Variants in TESK2 observed in about 807,000 individuals in gnomAD.
TESK2 encodes the protein testis associated actin remodelling kinase 2.
A neutral mutation model predicts 57.1 loss-of-function variants in TESK2; 39 were observed. That is an observed-to-expected ratio of 0.68 (90% CI 0.53 to 0.89). The LOEUF (loss-of-function observed/expected upper bound fraction) is 0.89, where lower values mean the gene tolerates loss of function less well. TESK2 is among the 40% of genes least tolerant of loss of function. TESK2 has a pLI of 0.00. For synonymous variants in TESK2, 249 were observed against 267.9 expected (o/e 0.93, Z 0.69); for missense variants, 646 against 732.1 (o/e 0.88, Z 1.36).
chr1:45,413,823 T>C (rs1334645730), intron 3 of TESK2: 3 of 456,234 alleles, frequency 6.6e-6, no homozygotes, highest in South Asian at 4.6e-5. Context: ...CTTCCCAATG[T>C]AGATCTAATC....
At chr1:45,353,925 A>T (rs1282765067) in intron 5 of TESK2, among the ~76,000 whole-genome samples, 1 of 152,184 alleles carries the variant, frequency 6.6e-6, no homozygotes, top group Non-Finnish European at 1.5e-5. Context: ...GATGCCAAAG[A>T]GGAACTGGCA....
At chr1:45,410,343 C>T (rs542129048) in intron 3 of TESK2, among the ~76,000 whole-genome samples, 2 of 152,206 alleles carry the variant, frequency 1.3e-5, no homozygotes, top group African/African-American at 4.8e-5. Flanking sequence ...GTGGCTCACG[C>T]CTGTAATCCC....
intron 2 of TESK2, among the ~76,000 whole-genome samples, chr1:45,424,002 A>G (rs1237853161): frequency 1.3e-5 from 2 of 152,248 alleles, no homozygotes; most frequent in African/African-American, 4.8e-5. Flanking sequence ...ATGAGGCAGT[A>G]GAAAAATCAT....
At chr1:45,457,418 T>C in intron 2 of TESK2, 146 bp downstream of exon 2, 1 of 680,436 alleles carries the variant, frequency 1.5e-6, no homozygotes, top group South Asian at 2.0e-5. Context: ...AGTTAATAAA[T>C]AGCTTGAAAG....
rs1452247534 is a variant in TESK2 at position 45,397,642 on chromosome 1, C to T, written c.345-11682G>A. ...TTCCAACCCGGACCCAGAGCCAGCA[C>T]CGCCTGCAGGCTCTGAGGCCACAGG... On this transcript the variant is annotated intron_variant, in intron 3 of 10. Coordinates refer to ENST00000372086, the MANE Select transcript of TESK2 (RefSeq NM_007170.3). 1.3e-5 allele frequency among the ~76,000 whole-genome samples: 2 copies of T among 152,160 alleles called. 1 individual carries two copies. The highest frequency in any genetic ancestry group is 2.9e-5 in the Non-Finnish European group (2 of 68,026).
intron 2 of TESK2, among the ~76,000 whole-genome samples, chr1:45,437,072 G>A (rs1471147927): frequency 6.6e-6 from 1 of 152,212 alleles, no homozygotes; most frequent in Non-Finnish European, 1.5e-5. Flanking sequence ...TGGGATTACA[G>A]GAGTGAGCCG....
At chr1:45,419,189 G>A (rs1482207289) in intron 3 of TESK2, among the ~76,000 whole-genome samples, 3 of 152,112 alleles carry the variant, frequency 2.0e-5, no homozygotes, top group East Asian at 3.9e-4. Context: ...TGTTGGCCAG[G>A]ATGGTCTCGA....
intron 3 of TESK2, among the ~76,000 whole-genome samples, chr1:45,394,739 T>A (rs1649290451): frequency 7.8e-6 from 1 of 128,966 alleles, no homozygotes; most frequent in African/African-American, 2.9e-5. Flanking sequence ...TTGCCCAGGC[T>A]GCAGTACAAT....
intron 2 of TESK2, among the ~76,000 whole-genome samples, chr1:45,432,116 G>A (rs1223185548): frequency 6.6e-6 from 1 of 151,930 alleles, no homozygotes; most frequent in Admixed American, 6.6e-5. Flanking sequence ...AGGCATGGTG[G>A]TGCATGTCTG....
At chr1:45,359,279 G>T (rs1647573328) in intron 4 of TESK2, among the ~76,000 whole-genome samples, 1 of 152,224 alleles carries the variant, frequency 6.6e-6, no homozygotes, top group Admixed American at 6.5e-5. Flanking sequence ...GTGAAAGTTG[G>T]CCAGGCGCCG....
rs1034770757 is a variant in TESK2, at chr1:45,490,943, T to C, written c.-178A>G. On this transcript the variant is annotated 5_prime_UTR_variant, in exon 1 of 11. Transcript: ENST00000372086. ...GGAGCATAGTAACCCTCACAGCTCG[T>C]TGGTGGCAGCGGCTCCTTAGCCTGC... 2 of 152,272 alleles carry C rather than the reference T, an allele frequency of 1.3e-5. No homozygotes were observed. Among genetic ancestry groups the C allele is most frequent in the Non-Finnish European group, 2.9e-5 (2 of 68,162 alleles). The allele number at this position is 152,272 out of a possible 1,614,324, so 9.4% of individuals were successfully genotyped here. A position where few individuals can be genotyped will look rare whatever the true frequency, so the allele number is the denominator to read the frequency against.
intron 1 of TESK2, among the ~76,000 whole-genome samples, chr1:45,483,606 A>AG (rs1653328213): frequency 6.6e-6 from 1 of 151,994 alleles, no homozygotes; most frequent in African/African-American, 2.4e-5. Flanking sequence ...AAAAAGAAAA[A>AG]AAAAAAAAGG....
chr1:45,422,862 C>CG (rs1443536592), intron 2 of TESK2, among the ~76,000 whole-genome samples: 1 of 149,744 alleles, frequency 6.7e-6, no homozygotes, highest in East Asian at 2.0e-4. Flanking sequence ...CTCCACCTTC[C>CG]GGGTTCAAGC....
intron 4 of TESK2, among the ~76,000 whole-genome samples, chr1:45,359,021 C>T (rs944172793): frequency 6.6e-6 from 1 of 152,242 alleles, no homozygotes; most frequent in Non-Finnish European, 1.5e-5. Context: ...GGAAATTCCT[C>T]TAAGCCTAAA....
chr1:45,484,123 T>G (rs1266536296), intron 1 of TESK2, among the ~76,000 whole-genome samples: 1 of 147,140 alleles, frequency 6.8e-6, no homozygotes, highest in Admixed American at 6.8e-5. Context: ...TTTTTTTTTT[T>G]TTGAGATGGA....
At position 45,346,802 on chromosome 1, in the gene TESK2, T is replaced by C. The variant is rs753520432; in HGVS notation, c.793-23A>G. 1.6e-5 allele frequency: 26 copies of C among 1,608,020 alleles called. No individual in the cohort carries two copies. The South Asian group carries it at 2.3e-4, about 14-fold the overall frequency. Reference sequence around the variant, plus strand: ...ATTCTGTGGATGGGTATGGAAAGCATAGGTAGACAGTTCATTAATCCCCCC... The same window carrying C: ...ATTCTGTGGATGGGTATGGAAAGCACAGGTAGACAGTTCATTAATCCCCCC... On this transcript the variant is annotated intron_variant, in intron 8 of 10. Coordinates refer to ENST00000372086, the MANE Select transcript of TESK2 (RefSeq NM_007170.3).
intron 4 of TESK2, among the ~76,000 whole-genome samples, chr1:45,373,415 A>C: frequency 6.6e-6 from 1 of 152,354 alleles, no homozygotes; most frequent in South Asian, 2.1e-4. Flanking sequence ...TCACTATATT[A>C]ATACTTTTGC....
chr1:45,440,327 T>C (rs1221672839), intron 2 of TESK2, among the ~76,000 whole-genome samples: 1 of 152,134 alleles, frequency 6.6e-6, no homozygotes, highest in Admixed American at 6.6e-5. Context: ...AAGGAGGGAA[T>C]GATCAATCAT....
chr1:45,376,753 C>T (rs957570765), intron 4 of TESK2, among the ~76,000 whole-genome samples: 6 of 151,758 alleles, frequency 4.0e-5, no homozygotes, highest in Non-Finnish European at 5.9e-5. Flanking sequence ...GGAAGGGACA[C>T]CTAAAGCAAG....
Sources: gnomAD v4.1 joint callset for allele counts (sites outside exome capture counted in the v4.1 genomes callset) on GRCh38, gnomAD v4.1.1 for gene constraint, MANE v1.5 for transcripts, NCBI Gene and HGNC (gene_info 2026-07-23, HGNC 2026-07-21) for gene names.